Variants in TENM4 observed in about 807,000 individuals in gnomAD.
TENM4 encodes the protein teneurin transmembrane protein 4.
In TENM4, 82 loss-of-function variants were observed where a neutral mutation model predicts 243.3. The ratio of observed to expected loss-of-function variants is 0.34; its 90% CI spans 0.28 to 0.40. The LOEUF (loss-of-function observed/expected upper bound fraction) is 0.40, where lower values mean the gene tolerates loss of function less well. Among genes scored for constraint, TENM4 ranks in the 10% least tolerant of loss-of-function variants. TENM4 has a pLI of 1.00. For synonymous variants in TENM4, 1,412 were observed against 1,456.3 expected (o/e 0.97, Z 0.69); for missense variants, 3,138 against 3,673.3 (o/e 0.85, Z 3.77).
intron 6 of TENM4, among the ~76,000 whole-genome samples, chr11:78,914,911 C>T (rs1400023700): frequency 6.6e-6 from 1 of 152,242 alleles, no homozygotes; most frequent in Non-Finnish European, 1.5e-5. Context: ...CCTGCCGGCT[C>T]ACCCGCTTCA....
chr11:78,856,231 A>C, intron 10 of TENM4, 53 bp from the exon 11 acceptor site: 1 of 1,496,168 alleles, frequency 6.7e-7, no homozygotes. Context: ...GCCACATGGG[A>C]AACGAGAAAC....
chr11:78,973,954 AC>A (rs1156723354), intron 6 of TENM4, among the ~76,000 whole-genome samples: 2 of 152,002 alleles, frequency 1.3e-5, no homozygotes, highest in Non-Finnish European at 2.9e-5. Flanking sequence ...AGAGGGCCCC[AC>A]AACTGCAAAG....
intron 4 of TENM4, among the ~76,000 whole-genome samples, chr11:79,088,738 C>T (rs11237713): frequency 0.059 from 9,015 of 152,234 alleles, 392 homozygotes; most frequent in East Asian, 0.24. Flanking sequence ...TGCATTAAGA[C>T]GAATGTTCCT....
intron 6 of TENM4, among the ~76,000 whole-genome samples, chr11:78,980,768 T>TACTACCTC (rs1460864249): frequency 2.6e-5 from 4 of 152,188 alleles, no homozygotes; most frequent in Non-Finnish European, 5.9e-5. Flanking sequence ...CACAGGGTTG[T>TACTACCTC]ACAGGGGCTT....
chr11:78,742,561 G>C (rs1285408958), intron 19 of TENM4, among the ~76,000 whole-genome samples: 1 of 152,118 alleles, frequency 6.6e-6, no homozygotes, highest in African/African-American at 2.4e-5. Flanking sequence ...CAACACTTGG[G>C]TTTGGCATAT....
chr11:79,135,335 TA>T (rs1236892840), intron 4 of TENM4, among the ~76,000 whole-genome samples: 30 of 145,884 alleles, frequency 2.1e-4, no homozygotes, highest in South Asian at 8.7e-4. Flanking sequence ...AATCAAAAAA[TA>T]AAAAAAAAAC....
intron 3 of TENM4, among the ~76,000 whole-genome samples, chr11:79,166,837 G>A (rs1018960689): frequency 6.6e-6 from 1 of 152,146 alleles, no homozygotes; most frequent in Non-Finnish European, 1.5e-5. Flanking sequence ...AGTGCACTAG[G>A]AAGTTCCAAA....
intron 18 of TENM4, among the ~76,000 whole-genome samples, chr11:78,765,551 CA>C (rs1856524596): frequency 6.6e-6 from 1 of 152,212 alleles, no homozygotes; most frequent in Non-Finnish European, 1.5e-5. Flanking sequence ...AAGAGATTAT[CA>C]TACCTTGAAG....
chr11:79,216,096 G>T (rs1864046780), intron 2 of TENM4, among the ~76,000 whole-genome samples, 187 bp from the exon 3 acceptor site: 1 of 152,212 alleles, frequency 6.6e-6, no homozygotes, highest in Non-Finnish European at 1.5e-5. Flanking sequence ...CACACAGATG[G>T]TTCCTCTATG....
intron 6 of TENM4, among the ~76,000 whole-genome samples, chr11:78,955,541 G>A (rs1166002764): frequency 6.6e-6 from 1 of 152,118 alleles, no homozygotes; most frequent in Non-Finnish European, 1.5e-5. Context: ...AGTGGTGTAG[G>A]AATTCCTAGG....
At chr11:78,901,555 T>A (rs947583268) in intron 7 of TENM4, among the ~76,000 whole-genome samples, 1 of 152,112 alleles carries the variant, frequency 6.6e-6, no homozygotes, top group African/African-American at 2.4e-5. Context: ...AGACTCAGAA[T>A]AGGAAGTTCT....
At chr11:78,959,795 A>G (rs1266737705) in intron 6 of TENM4, among the ~76,000 whole-genome samples, 1 of 152,154 alleles carries the variant, frequency 6.6e-6, no homozygotes, top group African/African-American at 2.4e-5. Flanking sequence ...AATGTCATCA[A>G]TTTGCCTTAG....
intron 4 of TENM4, among the ~76,000 whole-genome samples, chr11:79,124,974 A>G (rs1423288579): frequency 6.6e-6 from 1 of 150,536 alleles, no homozygotes; most frequent in Non-Finnish European, 1.5e-5. Context: ...ACCCTAATAC[A>G]GATTTTGGGA....
intron 4 of TENM4, among the ~76,000 whole-genome samples, chr11:79,071,463 TGTGGGTGGG>T (rs1860413021): frequency 1.3e-5 from 1 of 77,612 alleles, no homozygotes; most frequent in Non-Finnish European, 3.3e-5. Flanking sequence ...AAAGTGGGAG[TGTGGGTGGG>T]AGTGTCTGGG....
At chr11:79,206,510 T>C (rs192120622) in intron 3 of TENM4, among the ~76,000 whole-genome samples, 132 of 152,270 alleles carry the variant, frequency 8.7e-4, no homozygotes, top group African/African-American at 3.1e-3. Flanking sequence ...CACTCTGATA[T>C]GGTTTGGCTG....
rs144561609 is a variant in TENM4 at position 79,388,605 on chromosome 11, C to A, written c.-321+51904G>T. Among the ~76,000 whole-genome samples the A allele has an allele frequency of 1.3e-3, 205 of 152,314 alleles. 2 individuals are homozygous for A. Among genetic ancestry groups the A allele is most frequent in the African/African-American group, 4.7e-3 (196 of 41,570 alleles). On this transcript the variant is annotated intron_variant, in intron 1 of 33. Coordinates refer to ENST00000278550, the MANE Select transcript of TENM4 (RefSeq NM_001098816.3). ...CGTGCACACAGGCAGGAGTTCCTCC[C>A]AGGCTACTTAGTTTGTGCCTAATCC...
chr11:78,876,382 TA>T (rs1859269173), intron 9 of TENM4, among the ~76,000 whole-genome samples: 1 of 152,182 alleles, frequency 6.6e-6, no homozygotes, highest in Admixed American at 6.5e-5. Flanking sequence ...CATAGATAGG[TA>T]AAATGCACAA....
intron 6 of TENM4, among the ~76,000 whole-genome samples, chr11:78,933,225 G>C (rs1187836700): frequency 2.6e-5 from 4 of 152,074 alleles, no homozygotes; most frequent in Non-Finnish European, 5.9e-5. Context: ...CATTGGTAAG[G>C]AGGGGATAAT....
rs535490850 is a variant in TENM4 at position 78,875,873 on chromosome 11, ATTTGTGTGTGCTG to A, written c.1085-12754_1085-12742del. Among the ~76,000 whole-genome samples the A allele has an allele frequency of 1.7e-4, 26 of 152,254 alleles. 1 individual carries two copies. In the East Asian group the frequency reaches 5.0e-3, roughly 29 times the overall value. ...ACTCTAGATTTGTGTGTGCTGCCATATTTGTGTGTGCTGTTACATCAGCTTAGGCTTTGCTGGG... is the reference window on the plus strand; with the variant it reads ...ACTCTAGATTTGTGTGTGCTGCCATATTACATCAGCTTAGGCTTTGCTGGG... On this transcript the variant is annotated intron_variant, in intron 9 of 33. Coordinates refer to ENST00000278550, the MANE Select transcript of TENM4 (RefSeq NM_001098816.3).
Sources: gnomAD v4.1 joint callset for allele counts (sites outside exome capture counted in the v4.1 genomes callset) on GRCh38, gnomAD v4.1.1 for gene constraint, MANE v1.5 for transcripts, NCBI Gene and HGNC (gene_info 2026-07-23, HGNC 2026-07-21) for gene names.